The following MAST3 variants were observed in gnomAD, a reference collection of about 807,000 sequenced individuals.
The protein encoded by MAST3 is microtubule associated serine/threonine kinase 3.
In MAST3, 43 loss-of-function variants were observed where a neutral mutation model predicts 127.0. The ratio of observed to expected loss-of-function variants is 0.34; its 90% CI spans 0.27 to 0.44. The LOEUF (loss-of-function observed/expected upper bound fraction) is 0.44. MAST3 is among the 20% of genes least tolerant of loss of function. The probability of loss-of-function intolerance (pLI) is 1.00; values close to 1 mark genes in which losing one functional copy is unlikely to be tolerated. For missense variants in MAST3, 1,390 were observed against 1,919.1 expected (o/e 0.72, Z 5.15); for synonymous variants, 785 against 809.2 (o/e 0.97, Z 0.51).
chr19:18,123,273 C>G lies in MAST3; in HGVS notation c.456C>G (p.Asp152Glu). 6.2e-7 allele frequency: 1 copy of G among 1,613,918 alleles called. No homozygotes were observed. The highest frequency in any genetic ancestry group is 8.5e-7 in the Non-Finnish European group (1 of 1,179,888). ...AGCTTCCCTTCCAGCCGACGCCGGA[C>G]GAGCTGCACTTCCTGTCCAAGCACT... is the stretch of plus-strand genomic sequence containing the variant. The part of the protein sequence containing the change: ...LHQLPFQPTP[D>E]ELHFLSKHFR... Residue 152 changes from aspartate (D) to glutamate (E), a missense_variant, in exon 7 of 28, where the codon GAC (aspartate) becomes GAG (glutamate). Transcript: ENST00000687212.
chr19:18,142,499 C>T (rs1392724621), intron 21 of MAST3, among the ~76,000 whole-genome samples: 2 of 151,714 alleles, frequency 1.3e-5, no homozygotes, highest in African/African-American at 2.4e-5. Context: ...CTACAGGCAC[C>T]TGCCACCACA....
intron 11 of MAST3, among the ~76,000 whole-genome samples, chr19:18,127,166 C>A (rs1477938590): frequency 1.3e-5 from 2 of 151,958 alleles, no homozygotes; most frequent in Admixed American, 1.3e-4. Flanking sequence ...GGGAGGATTG[C>A]TTGAGTTTAG....
At chr19:18,137,482 G>A in intron 19 of MAST3, 121 bp downstream of exon 19, 1 of 1,117,398 alleles carries the variant, frequency 8.9e-7, no homozygotes, top group Non-Finnish European at 1.3e-6. Context: ...TAGGCCTGGA[G>A]CTTCCGACTT....
intron 1 of MAST3, among the ~76,000 whole-genome samples, chr19:18,102,738 C>A (rs1265315494): frequency 6.6e-6 from 1 of 152,044 alleles, no homozygotes; most frequent in African/African-American, 2.4e-5. Context: ...CCTTGGCCTC[C>A]CAGCGTGCTG....
chr19:18,139,469 C>T (rs541827292), intron 20 of MAST3, among the ~76,000 whole-genome samples: 168 of 151,990 alleles, frequency 1.1e-3, no homozygotes, highest in African/African-American at 3.7e-3. Flanking sequence ...GGATTACAGG[C>T]GCATGCCGTC....
At chr19:18,139,192 C>T in intron 20 of MAST3, 68 bp downstream of exon 20, 5 of 1,229,026 alleles carry the variant, frequency 4.1e-6, no homozygotes, top group Non-Finnish European at 5.8e-6. Flanking sequence ...GCTTTCGTAT[C>T]TGTTTTTTGA....
chr19:18,102,810 C>T (rs1178251031), intron 1 of MAST3, among the ~76,000 whole-genome samples: 1 of 152,110 alleles, frequency 6.6e-6, no homozygotes, highest in Non-Finnish European at 1.5e-5. Flanking sequence ...ATCCTCCCGC[C>T]TCAGCCTCCC....
chr19:18,111,855 G>A (rs963719766), intron 3 of MAST3, among the ~76,000 whole-genome samples: 2 of 152,136 alleles, frequency 1.3e-5, no homozygotes, highest in Non-Finnish European at 2.9e-5. Context: ...GAACAATATA[G>A]AGCCCACATT....
Position 18,143,931 on chromosome 19 carries a change from G to T in MAST3, c.2508G>T (p.Arg836Ser), listed in dbSNP as rs1599889881. The change falls in exon 22 of 28, where the codon AGG becomes AGT. Residue 836 changes from arginine to serine, a missense_variant. Arg to Ser is a moderately radical substitution (Grantham distance 110). Coordinates refer to ENST00000687212, the MANE Select transcript of MAST3 (RefSeq NM_001393504.1). ...GCCCAGGCCCTGCAGGCCCCAAGAG[G>T]CCCGTCTTCATTCTAGGGGAGCCTG... ...GVGPGPAGPK[R>S]PVFILGEPDP... is the part of the protein sequence containing the mutation. 6.2e-7 allele frequency: 1 copy of T among 1,612,298 alleles called. No individual in the cohort carries two copies. The highest frequency in any genetic ancestry group is 1.3e-5 in the African/African-American group (1 of 75,038).
Position 18,100,555 on chromosome 19 carries a change from G to C in MAST3, c.39+2724G>C, listed in dbSNP as rs186477132. Among the ~76,000 whole-genome samples the C allele has an allele frequency of 2.6e-4, 39 of 152,164 alleles. No homozygotes were observed. In the East Asian group the frequency reaches 7.5e-3, roughly 29 times the overall value. ...TAATAATAAAATAATAGTAAAGTGG[G>C]AATAACCGTTCATATTAACAGGCTA... On this transcript the variant is annotated intron_variant, in intron 1 of 27. Transcript: ENST00000687212.
At position 18,135,795 on chromosome 19, in the gene MAST3, C is replaced by A. The variant is rs761368236; in HGVS notation, c.1926C>A (p.Leu642=). Residue 642 remains leucine (L), a synonymous_variant, in exon 18 of 28, where the codon CTC becomes CTA. Coordinates refer to ENST00000687212, the MANE Select transcript of MAST3 (RefSeq NM_001393504.1). ...DEALPADAQD[L]ITRLLRQSPL... is the part of the protein sequence containing the mutation. ...CCCTTCCAGCAGACGCCCAGGACCTCATCACCAGGTTGCTCCGGCAGAGCC... is the reference window on the plus strand; with the variant it reads ...CCCTTCCAGCAGACGCCCAGGACCTAATCACCAGGTTGCTCCGGCAGAGCC... 22 of 1,612,110 alleles carry A rather than the reference C, an allele frequency of 1.4e-5. No homozygotes were observed. Among genetic ancestry groups the A allele is most frequent in the Non-Finnish European group, 1.8e-5 (21 of 1,179,102 alleles).
Position 18,150,617 on chromosome 19 carries a change from C to G in MAST3, c.*891C>G, listed in dbSNP as rs1174847041. Reference sequence around the variant, plus strand: ...CACCCACAAAACAATGTAATCCCAGCGATGGACTGGATTCTGAAGGCCACT... The same window carrying G: ...CACCCACAAAACAATGTAATCCCAGGGATGGACTGGATTCTGAAGGCCACT... On this transcript the variant is annotated 3_prime_UTR_variant, in exon 28 of 28. Coordinates refer to ENST00000687212, the MANE Select transcript of MAST3 (RefSeq NM_001393504.1). The G allele has an allele frequency of 6.6e-6, 1 of 152,246 alleles. No individual in the cohort carries two copies. The highest frequency in any genetic ancestry group is 1.5e-5 in the Non-Finnish European group (1 of 68,060). 9.4% of individuals were successfully genotyped at this position (152,246 alleles called of 1,614,324 possible).
chr19:18,118,179 G>A (rs910187474), intron 3 of MAST3: 4 of 985,332 alleles, frequency 4.1e-6, no homozygotes, highest in Admixed American at 1.2e-4. Flanking sequence ...TCCGACCCCA[G>A]CTACTGGACG....
chr19:18,116,933 CTT>C, intron 3 of MAST3, among the ~76,000 whole-genome samples: 1 of 149,882 alleles, frequency 6.7e-6, no homozygotes, highest in Middle Eastern at 3.4e-3. Context: ...AAATTTGTCT[CTT>C]TAGCTATGAA....
chr19:18,145,716 G>A lies in MAST3; in HGVS notation c.3040-27G>A. The A allele has an allele frequency of 1.3e-6, 2 of 1,554,604 alleles. No individual in the cohort carries two copies. The highest frequency in any genetic ancestry group is 1.7e-6 in the Non-Finnish European group (2 of 1,156,480). ...CCCCAGATGTGGGGCCCAGGCCATT[G>A]ACCCCACCGTTCTCGTCTGCCCCCA... On this transcript the variant is annotated intron_variant, in intron 24 of 27. Coordinates refer to ENST00000687212, the MANE Select transcript of MAST3 (RefSeq NM_001393504.1). This position sits in a 1 kb window ranked among gnomAD's most constrained non-coding sequence, Gnocchi z 5.9.
In MAST3 at chr19:18,121,436, C is replaced by T. The variant is rs187287717; in HGVS notation, c.162-249C>T. 3.1e-4 allele frequency among the ~76,000 whole-genome samples: 47 copies of T among 152,332 alleles called. No individual in the cohort carries two copies. In the East Asian group the frequency reaches 8.9e-3, roughly 29 times the overall value. ...CCTTCCAAAGCACTGGGGTTACTGG[C>T]GTGAGCCACCATGCCTGGCCAGCAG... On this transcript the variant is annotated intron_variant, in intron 3 of 27. Transcript: ENST00000687212.
At chr19:18,107,692 T>C in intron 2 of MAST3, 74 bp downstream of exon 2, 1 of 1,372,754 alleles carries the variant, frequency 7.3e-7, no homozygotes, top group Non-Finnish European at 1.0e-6. Flanking sequence ...CAACAGCCAC[T>C]GAATTGTGAA....
At position 18,150,744 on chromosome 19, in the gene MAST3, G is replaced by C. The variant is rs1180208051; in HGVS notation, c.*1018G>C. 4 of 152,392 alleles carry C rather than the reference G, an allele frequency of 2.6e-5. No individual in the cohort carries two copies. Among genetic ancestry groups the C allele is most frequent in the Admixed American group, 2.6e-4 (4 of 15,282 alleles). The allele number at this position is 152,392 out of a possible 1,614,324, so 9.4% of individuals were successfully genotyped here. A position where few individuals can be genotyped will look rare whatever the true frequency, so the allele number is the denominator to read the frequency against. ...GCCTGGAGAAGGGATATGGGAGCTG[G>C]AGCTTTGATGGATGAATAGGTGTTC... On this transcript the variant is annotated 3_prime_UTR_variant, in exon 28 of 28. Transcript: ENST00000687212.
intron 1 of MAST3, among the ~76,000 whole-genome samples, chr19:18,105,130 G>A (rs554604917): frequency 6.6e-6 from 1 of 152,298 alleles, no homozygotes; most frequent in East Asian, 1.9e-4. Context: ...CCTTTGGGAG[G>A]CTAAGGTGGA....
Sources: gnomAD v4.1 joint callset for allele counts (sites outside exome capture counted in the v4.1 genomes callset) on GRCh38, gnomAD v4.1.1 for gene constraint, Gnocchi (gnomAD v3.1) non-coding constraint, MANE v1.5 for transcripts, NCBI Gene and HGNC (gene_info 2026-07-23, HGNC 2026-07-21) for gene names.